Variants in SIN3A observed in about 807,000 individuals in gnomAD.
The protein encoded by SIN3A is paired amphipathic helix protein Sin3a.
A neutral mutation model predicts 146.1 loss-of-function variants in SIN3A; 14 were observed. That is an observed-to-expected ratio of 0.10 (90% CI 0.06 to 0.15). SIN3A has a LOEUF of 0.15. SIN3A is among the 10% of genes least tolerant of loss of function. The pLI is 1.00. For missense variants in SIN3A, 1,028 were observed against 1,576.0 expected (o/e 0.65, Z 5.89); for synonymous variants, 572 against 572.0 (o/e 1.00, Z 0.00).
At chr15:75,420,023 A>T (rs974328050) in intron 3 of SIN3A, 19 of 152,340 alleles carry the variant, frequency 1.2e-4, no homozygotes, top group Admixed American at 8.5e-4. Flanking sequence ...ACTTAAAAAA[A>T]AAACTTGGAT....
chr15:75,396,514 G>A lies in SIN3A; in HGVS notation c.1855-18C>T. 1.3e-6 allele frequency: 2 copies of A among 1,568,886 alleles called. No individual in the cohort carries two copies. The highest frequency in any genetic ancestry group is 1.7e-5 in the Admixed American group (1 of 59,438). On this transcript the variant is annotated intron_variant, in intron 12 of 20. Coordinates refer to ENST00000394947, the MANE Select transcript of SIN3A (RefSeq NM_001145358.2). ...ACATCAAGCTGAAGAGGAAGACAAA[G>A]AAGGGTATGCTCAGGACCCAAATCA... is the stretch of plus-strand genomic sequence containing the variant.
At position 75,410,283 on chromosome 15, in the gene SIN3A, C is replaced by G; in HGVS notation, c.1012G>C (p.Glu338Gln). Residue 338 changes from glutamate to glutamine, a missense_variant, in exon 7 of 21, where the codon GAG becomes CAG. Physicochemically the swap from Glu to Gln is conservative, Grantham distance 29. Around this residue, in one of 9 missense-constraint regions of SIN3A, gnomAD observed 14 missense variants for 54.4 expected, o/e 0.26. Coordinates refer to ENST00000394947, the MANE Select transcript of SIN3A (RefSeq NM_001145358.2). ...CCAGCTTCCTTGGCATTTCTCTGCT[C>G]TTTCTGAGGAATTGCAAATGAAAAG... ...FLEILHTYQK[E>Q]QRNAKEAGGN... 1 of 1,610,914 alleles carries G rather than the reference C, an allele frequency of 6.2e-7. No individual in the cohort carries two copies. Among genetic ancestry groups the G allele is most frequent in the Non-Finnish European group, 8.5e-7 (1 of 1,179,234 alleles).
At chr15:75,394,241 T>C (rs1170945519) in intron 14 of SIN3A, among the ~76,000 whole-genome samples, 1 of 152,264 alleles carries the variant, frequency 6.6e-6, no homozygotes, top group Non-Finnish European at 1.5e-5. Context: ...CCAGGATTTA[T>C]TGCTTATTCA....
At chr15:75,422,332 G>A (rs1165060066) in intron 3 of SIN3A, 3 of 595,412 alleles carry the variant, frequency 5.0e-6, no homozygotes, top group Non-Finnish European at 8.9e-6. Context: ...GTGCTCAATA[G>A]AGAGTTCAAA....
At chr15:75,374,879 C>G (rs1163495103) in intron 20 of SIN3A, among the ~76,000 whole-genome samples, 1 of 152,182 alleles carries the variant, frequency 6.6e-6, no homozygotes, top group African/African-American at 2.4e-5. Context: ...ATTTGTTTCC[C>G]TGGTAGTGCA....
rs1376121436 is a variant in SIN3A at position 75,392,258 on chromosome 15, T to C, written c.2835A>G (p.Leu945=). 3.7e-6 allele frequency: 6 copies of C among 1,613,310 alleles called. No individual in the cohort carries two copies. Among genetic ancestry groups the C allele is most frequent in the East Asian group, 2.2e-5 (1 of 44,888 alleles). The change falls in exon 15 of 21, where the codon CTA becomes CTG. Residue 945 remains leucine, a synonymous_variant. Transcript: ENST00000394947. ...RDKSDSPAIQ[L]RLKEPMDVDV... ...GGCACTCACTAGGTTCTTTGAGACG[T>C]AGCTGAATGGCAGGGCTGTCACTCT...
chr15:75,402,974 T>C (rs1391127837), intron 9 of SIN3A, among the ~76,000 whole-genome samples: 1 of 151,956 alleles, frequency 6.6e-6, no homozygotes, highest in African/African-American at 2.4e-5. Flanking sequence ...CTTACTAAAA[T>C]ATGTATGGAT....
intron 1 of SIN3A, among the ~76,000 whole-genome samples, chr15:75,449,169 T>C (rs765095092): frequency 1.3e-5 from 2 of 152,240 alleles, no homozygotes; most frequent in Admixed American, 6.5e-5. Context: ...TCTCAGTTTA[T>C]GGCATCAGAA....
intron 10 of SIN3A, 73 bp from the exon 11 acceptor site, chr15:75,401,013 A>G (rs2073402223): frequency 1.9e-6 from 2 of 1,059,208 alleles, no homozygotes; most frequent in East Asian, 4.9e-5. Context: ...GACTACTACC[A>G]TCTGGTTTTG....
chr15:75,417,999 C>T lies in SIN3A; in HGVS notation c.367-3688G>A, dbSNP rs79974664. 2.7e-3 allele frequency among the ~76,000 whole-genome samples: 404 copies of T among 152,030 alleles called. 1 individual carries two copies. The highest frequency in any genetic ancestry group is 9.2e-3 in the African/African-American group (383 of 41,500). On this transcript the variant is annotated intron_variant, in intron 3 of 20. Transcript: ENST00000394947. ...TCACCAGACACCAAACCAACTGGCA[C>T]CTGGATTTTATTTTATTATTTATTT... is the stretch of plus-strand genomic sequence containing the variant.
intron 14 of SIN3A, 81 bp downstream of exon 14, chr15:75,394,599 A>T (rs1378322721): frequency 3.3e-6 from 4 of 1,202,956 alleles, no homozygotes; most frequent in Non-Finnish European, 4.7e-6. Context: ...ACCTGCATTT[A>T]ACAAAGGTAA....
chr15:75,441,663 C>T (rs1391351375), intron 1 of SIN3A, among the ~76,000 whole-genome samples: 1 of 152,134 alleles, frequency 6.6e-6, no homozygotes, highest in Non-Finnish European at 1.5e-5. Flanking sequence ...AGGTACAGCT[C>T]TAGTAAGGTT....
At chr15:75,443,751 A>G (rs2074256666) in intron 1 of SIN3A, 1 of 152,122 alleles carries the variant, frequency 6.6e-6, no homozygotes, top group African/African-American at 2.4e-5. Context: ...GTTTTGGGAA[A>G]AGCAATAAGA....
At chr15:75,414,947 G>A (rs1480095813) in intron 3 of SIN3A, among the ~76,000 whole-genome samples, 1 of 152,178 alleles carries the variant, frequency 6.6e-6, no homozygotes, top group Non-Finnish European at 1.5e-5. Context: ...AGTTTGGCTG[G>A]AGGATCTGTA....
chr15:75,422,656 C>T lies in SIN3A; in HGVS notation c.357G>A (p.Gln119=). 4 of 1,614,230 alleles carry T rather than the reference C, an allele frequency of 2.5e-6. No homozygotes were observed. Among genetic ancestry groups the T allele is most frequent in the Non-Finnish European group, 3.4e-6 (4 of 1,180,048 alleles). Residue 119 remains glutamine, a synonymous_variant, in exon 3 of 21, where the codon CAG becomes CAA. Coordinates refer to ENST00000394947, the MANE Select transcript of SIN3A (RefSeq NM_001145358.2). ...AAGAGCTGAATACCACCTTCAGCCT[C>T]TGAAATTGCTGCTGTCCCTGCACTG... is the stretch of plus-strand genomic sequence containing the variant. The part of the protein sequence containing the change: ...VAPVQGQQQF[Q]RLKVEDALSY...
chr15:75,394,933 G>A, intron 13 of SIN3A, 70 bp from the exon 14 acceptor site: 4 of 1,450,242 alleles, frequency 2.8e-6, no homozygotes, highest in Non-Finnish European at 2.8e-6. Context: ...AAATTTGCCA[G>A]GCTTACTTTA....
intron 1 of SIN3A, among the ~76,000 whole-genome samples, chr15:75,446,778 T>TG (rs1338121758): frequency 6.6e-6 from 1 of 151,168 alleles, no homozygotes; most frequent in East Asian, 1.9e-4. Flanking sequence ...GACATATCCT[T>TG]TTTTTTTTCT....
At chr15:75,373,457 A>G (rs2072793467) in intron 20 of SIN3A, among the ~76,000 whole-genome samples, 1 of 152,198 alleles carries the variant, frequency 6.6e-6, no homozygotes, top group Admixed American at 6.5e-5. Flanking sequence ...CTGAGACAGC[A>G]AAAACAACCC....
chr15:75,372,031 A>G lies in SIN3A; in HGVS notation c.3770T>C (p.Val1257Ala). The part of the protein sequence containing the change: ...TTCDTETLHF[V>A]SINKYRVKYG... ...TTTGACACGATACTTGTTAATGCTC[A>G]CAAAATGCAGGGTCTCTGTATCACA... The change falls in exon 21 of 21, where the codon GTG (valine) becomes GCG (alanine). Residue 1257 changes from valine to alanine, a missense_variant. By Grantham distance (64) the Val-to-Ala change is moderately conservative. Coordinates refer to ENST00000394947, the MANE Select transcript of SIN3A (RefSeq NM_001145358.2). 6.2e-7 allele frequency: 1 copy of G among 1,614,192 alleles called. No homozygotes were observed. The highest frequency in any genetic ancestry group is 8.5e-7 in the Non-Finnish European group (1 of 1,180,038).
Sources: allele counts gnomAD v4.1 joint callset (sites outside exome capture counted in the v4.1 genomes callset), GRCh38; gene constraint gnomAD v4.1.1; regional missense constraint gnomAD v4.1.1; transcripts MANE v1.5; gene names NCBI Gene and HGNC (gene_info 2026-07-23, HGNC 2026-07-21).